Variants in IREB2 observed in about 807,000 individuals in gnomAD.
IREB2 encodes iron-responsive element-binding protein 2.
A neutral mutation model predicts 118.8 loss-of-function variants in IREB2; 39 were observed. The ratio of observed to expected loss-of-function variants is 0.33; its 90% CI spans 0.25 to 0.43. The LOEUF (loss-of-function observed/expected upper bound fraction) is 0.43, where lower values mean the gene tolerates loss of function less well. IREB2 is among the 20% of genes least tolerant of loss of function. The pLI is 1.00. For synonymous variants in IREB2, 372 were observed against 392.2 expected (o/e 0.95, Z 0.61); for missense variants, 900 against 1,147.3 (o/e 0.78, Z 3.11).
chr15:78,460,508 G>A (rs2051178789), intron 2 of IREB2, among the ~76,000 whole-genome samples: 1 of 152,108 alleles, frequency 6.6e-6, no homozygotes, highest in Non-Finnish European at 1.5e-5. Flanking sequence ...AGATTGACCC[G>A]TTAGTGTCCC....
At position 78,493,968 on chromosome 15, in the gene IREB2, CAA is replaced by C. The variant is rs1218417720; in HGVS notation, c.2385_2386del (p.Gly797HisfsTer9). The C allele has an allele frequency of 1.2e-6, 2 of 1,613,910 alleles. No homozygotes were observed. The highest frequency in any genetic ancestry group is 1.7e-6 in the Non-Finnish European group (2 of 1,179,804). On this transcript the variant is annotated frameshift_variant, in exon 19 of 22. Coordinates refer to ENST00000258886, the MANE Select transcript of IREB2 (RefSeq NM_004136.4). LOFTEE classifies it high-confidence loss of function. The stretch of plus-strand genomic sequence containing the variant: ...CGAAGAGGTAATGATGCTGTAATGA[CAA>C]GAGGCACTTTTGCAAATATCAAGCT...
At chr15:78,442,355 C>A (rs1218203815) in intron 2 of IREB2, among the ~76,000 whole-genome samples, 1 of 152,144 alleles carries the variant, frequency 6.6e-6, no homozygotes, top group African/African-American at 2.4e-5. Flanking sequence ...AACAAAAAAT[C>A]CTTATTGCAT....
chr15:78,470,499 C>T, intron 5 of IREB2, 33 bp from the exon 6 acceptor site: 1 of 1,434,172 alleles, frequency 7.0e-7, no homozygotes. Flanking sequence ...TTTTGTAATA[C>T]ATACGTTTAA....
chr15:78,446,006 A>G (rs1279613689), intron 2 of IREB2, among the ~76,000 whole-genome samples: 1 of 152,120 alleles, frequency 6.6e-6, no homozygotes, highest in African/African-American at 2.4e-5. Flanking sequence ...GCTGGTCTTG[A>G]ATCCTGGCTT....
chr15:78,438,528 C>T (rs889128821), intron 1 of IREB2, 172 bp downstream of exon 1: 9 of 700,190 alleles, frequency 1.3e-5, no homozygotes, highest in African/African-American at 1.3e-4. Context: ...GCCTAGGCCG[C>T]GGAAGCTGGG....
At chr15:78,489,258 G>C (rs2051710403) in intron 16 of IREB2, among the ~76,000 whole-genome samples, 1 of 151,564 alleles carries the variant, frequency 6.6e-6, no homozygotes, top group Non-Finnish European at 1.5e-5. Flanking sequence ...TGTCTTAGAG[G>C]ATCAGAATTC....
Position 78,494,270 on chromosome 15 carries a change from G to C in IREB2, c.2595+6G>C. 6.2e-7 allele frequency: 1 copy of C among 1,608,588 alleles called. No individual in the cohort carries two copies. Among genetic ancestry groups the C allele is most frequent in the South Asian group, 1.1e-5 (1 of 90,486 alleles). On this transcript the variant is annotated splice_donor_region_variant and intron_variant, in intron 20 of 21. Coordinates refer to ENST00000258886, the MANE Select transcript of IREB2 (RefSeq NM_004136.4). ...CCAAAGGACCGTATTTACTGGTATT[G>C]AATCTTAAAATTTATCATCTTAAGC... is the stretch of plus-strand genomic sequence containing the variant.
intron 3 of IREB2, 131 bp downstream of exon 3, chr15:78,463,218 C>G (rs2051226049): frequency 1.3e-6 from 1 of 747,038 alleles, no homozygotes; most frequent in African/African-American, 1.8e-5. Context: ...GCAGGAAGAT[C>G]ACTTGAGCCT....
intron 10 of IREB2, among the ~76,000 whole-genome samples, chr15:78,482,195 G>A (rs1214534829): frequency 1.3e-5 from 2 of 152,168 alleles, no homozygotes; most frequent in South Asian, 2.1e-4. Flanking sequence ...GTGCCACTGC[G>A]CTCCAGCCTG....
At chr15:78,492,380 C>CCAAAAAATTACCAAGATTAG (rs2051765308) in intron 18 of IREB2, among the ~76,000 whole-genome samples, 1 of 152,052 alleles carries the variant, frequency 6.6e-6, no homozygotes, top group Admixed American at 6.6e-5. Context: ...ACCAAGATTA[C>CCAAAAAATTACCAAGATTAG]CAAAAATAAA....
intron 10 of IREB2, among the ~76,000 whole-genome samples, chr15:78,478,834 C>A (rs1411094621): frequency 1.3e-5 from 2 of 152,204 alleles, no homozygotes; most frequent in African/African-American, 4.8e-5. Context: ...GTTTTCTCAT[C>A]TGTTAGATAT....
At chr15:78,455,657 CT>C (rs1294147505) in intron 2 of IREB2, among the ~76,000 whole-genome samples, 2 of 152,020 alleles carry the variant, frequency 1.3e-5, no homozygotes, top group Non-Finnish European at 2.9e-5. Flanking sequence ...AACTCTTCTA[CT>C]GGAATATCTA....
intron 18 of IREB2, 46 bp downstream of exon 18, chr15:78,490,807 T>C: frequency 6.3e-7 from 1 of 1,577,578 alleles, no homozygotes. Flanking sequence ...TCTTGTTTCT[T>C]ACTGATTAAG....
At position 78,470,592 on chromosome 15, in the gene IREB2, G is replaced by T. The variant is rs556944918; in HGVS notation, c.690G>T (p.Gln230His). The change falls in exon 6 of 22, where the codon CAG becomes CAT. Residue 230 changes from glutamine (Q) to histidine (H), a missense_variant. Gln to His is a conservative substitution (Grantham distance 24). Coordinates refer to ENST00000258886, the MANE Select transcript of IREB2 (RefSeq NM_004136.4). ...VEFGRNRERL[Q>H]FFKWSSRVFK... ...TCGGCAGAAATCGAGAGAGGCTTCAGTTTTTTAAGGTATAAATGATTCAGG... is the reference window on the plus strand; with the variant it reads ...TCGGCAGAAATCGAGAGAGGCTTCATTTTTTTAAGGTATAAATGATTCAGG... 6.5e-7 allele frequency: 1 copy of T among 1,540,756 alleles called. No homozygotes were observed. Among genetic ancestry groups the T allele is most frequent in the African/African-American group, 1.4e-5 (1 of 73,050 alleles).
chr15:78,447,983 C>T (rs1395628061), intron 2 of IREB2, among the ~76,000 whole-genome samples: 1 of 152,202 alleles, frequency 6.6e-6, no homozygotes. Flanking sequence ...TACACAGAGC[C>T]CACCAGCAAT....
rs1264656334 is a variant in IREB2 at position 78,501,385 on chromosome 15, T to C, written c.*3242T>C. ...GAAATATATTGGAGGCAAAGTTCAGTTGATGACAATTGTGTATATGTTACT... is the reference window on the plus strand; with the variant it reads ...GAAATATATTGGAGGCAAAGTTCAGCTGATGACAATTGTGTATATGTTACT... On this transcript the variant is annotated 3_prime_UTR_variant, in exon 22 of 22. Transcript: ENST00000258886. 6.5e-6 allele frequency: 1 copy of C among 152,682 alleles called. No homozygotes were observed. Among genetic ancestry groups the C allele is most frequent in the Non-Finnish European group, 1.5e-5 (1 of 68,044 alleles). 9.5% of individuals were successfully genotyped at this position (152,682 alleles called of 1,614,324 possible). A position where few individuals can be genotyped will look rare whatever the true frequency, so the allele number is the denominator to read the frequency against.
At chr15:78,462,521 T>C (rs16969874) in intron 2 of IREB2, among the ~76,000 whole-genome samples, 22,776 of 152,244 alleles carry the variant, frequency 0.15, 1,756 homozygotes, top group Non-Finnish European at 0.16. Flanking sequence ...CAGACATTTA[T>C]ACAGTTTAAT....
chr15:78,455,396 A>G (rs2051090133), intron 2 of IREB2, among the ~76,000 whole-genome samples: 1 of 152,120 alleles, frequency 6.6e-6, no homozygotes, highest in South Asian at 2.1e-4. Flanking sequence ...TGAACTTTAT[A>G]CCTGTTTGAA....
intron 5 of IREB2, among the ~76,000 whole-genome samples, chr15:78,468,508 T>A (rs1314360663): frequency 6.6e-6 from 1 of 151,510 alleles, no homozygotes; most frequent in East Asian, 1.9e-4. Flanking sequence ...CCTCGCAAAG[T>A]GCTGGGACTG....
Sources: gnomAD v4.1 joint callset for allele counts (sites outside exome capture counted in the v4.1 genomes callset) on GRCh38, gnomAD v4.1.1 for gene constraint, MANE v1.5 for transcripts, NCBI Gene and HGNC (gene_info 2026-07-23, HGNC 2026-07-21) for gene names.